The following CNTNAP4 variants were observed in gnomAD, a reference collection of about 807,000 sequenced individuals.
The protein encoded by CNTNAP4 is contactin-associated protein-like 4.
Under a neutral mutation model 148.4 loss-of-function variants are expected in CNTNAP4, and 98 were observed. The ratio of observed to expected loss-of-function variants is 0.66; its 90% confidence interval spans 0.56 to 0.78. The LOEUF is 0.78. CNTNAP4 is among the 30% of genes least tolerant of loss of function. The pLI, the probability that CNTNAP4 is intolerant of heterozygous loss-of-function variation, is 0.00. For synonymous variants in CNTNAP4, 730 were observed against 565.1 expected (o/e 1.29, Z -4.14); for missense variants, 1,935 against 1,565.6 (o/e 1.24, Z -3.98).
intron 17 of CNTNAP4, among the ~76,000 whole-genome samples, chr16:76,526,347 C>T (rs1053504410): frequency 1.3e-5 from 2 of 152,066 alleles, no homozygotes; most frequent in African/African-American, 4.8e-5. Flanking sequence ...AGGTATATAT[C>T]GGACCTTGTA....
chr16:76,404,800 T>C (rs1432891360), intron 3 of CNTNAP4, among the ~76,000 whole-genome samples: 1 of 152,168 alleles, frequency 6.6e-6, no homozygotes, highest in East Asian at 1.9e-4. Context: ...GGCTTTCTGC[T>C]AATGAATTTA....
intron 3 of CNTNAP4, among the ~76,000 whole-genome samples, chr16:76,365,691 G>A (rs950841922): frequency 2.7e-5 from 4 of 147,770 alleles, no homozygotes; most frequent in African/African-American, 7.5e-5. Context: ...GACTGAGGTT[G>A]CAGTGAGCTG....
chr16:76,425,327 C>G (rs1373058100), intron 3 of CNTNAP4, among the ~76,000 whole-genome samples: 1 of 152,102 alleles, frequency 6.6e-6, no homozygotes, highest in South Asian at 2.1e-4. Context: ...CTCTGAGAGG[C>G]CCTGTAATTG....
chr16:76,521,634 C>T (rs2083456580), intron 16 of CNTNAP4, among the ~76,000 whole-genome samples: 2 of 152,014 alleles, frequency 1.3e-5, no homozygotes, highest in South Asian at 4.2e-4. Flanking sequence ...TTCTAAGCTG[C>T]TCTTATCTTA....
intron 3 of CNTNAP4, among the ~76,000 whole-genome samples, chr16:76,415,206 C>T (rs188055007): frequency 4.0e-5 from 6 of 151,250 alleles, no homozygotes; most frequent in Admixed American, 3.3e-4. Flanking sequence ...ATACTGAATG[C>T]TATTTGATAC....
intron 1 of CNTNAP4, among the ~76,000 whole-genome samples, chr16:76,315,664 G>A (rs754481533): frequency 2.0e-5 from 3 of 151,390 alleles, no homozygotes; most frequent in Admixed American, 6.6e-5. Flanking sequence ...GTGTGATCTC[G>A]GCTCACTGCA....
intron 2 of CNTNAP4, among the ~76,000 whole-genome samples, chr16:76,339,080 T>C (rs1964254995): frequency 6.6e-6 from 1 of 152,150 alleles, no homozygotes; most frequent in South Asian, 2.1e-4. Context: ...GTGTTTGAAA[T>C]TCTGTGTGTG....
chr16:76,455,857 G>T (rs2080709352), intron 8 of CNTNAP4, among the ~76,000 whole-genome samples: 1 of 152,168 alleles, frequency 6.6e-6, no homozygotes, highest in African/African-American at 2.4e-5. Flanking sequence ...TTATGAGAGG[G>T]TGATGACAAC....
intron 10 of CNTNAP4, among the ~76,000 whole-genome samples, chr16:76,470,643 G>T (rs887977751): frequency 2.0e-5 from 3 of 150,770 alleles, no homozygotes; most frequent in Non-Finnish European, 4.4e-5. Flanking sequence ...AGAGTGAAAC[G>T]CCGTCTCGAA....
intron 21 of CNTNAP4, among the ~76,000 whole-genome samples, chr16:76,543,597 C>T (rs1235780381): frequency 1.3e-5 from 2 of 152,188 alleles, no homozygotes; most frequent in Non-Finnish European, 2.9e-5. Context: ...GAAAATTAGA[C>T]AGAAGCACAG....
At chr16:76,340,541 A>T (rs13339408) in intron 2 of CNTNAP4, among the ~76,000 whole-genome samples, 1 of 151,860 alleles carries the variant, frequency 6.6e-6, no homozygotes, top group Admixed American at 6.6e-5. Flanking sequence ...TGCGCTCCCA[A>T]TGCCTACTAT....
At chr16:76,429,238 T>C (rs1489374172) in intron 4 of CNTNAP4, among the ~76,000 whole-genome samples, 1 of 152,134 alleles carries the variant, frequency 6.6e-6, no homozygotes, top group East Asian at 1.9e-4. Flanking sequence ...AAACTAGAAG[T>C]TGGACAGTAG....
chr16:76,428,062 C>A (rs554152155), intron 4 of CNTNAP4, among the ~76,000 whole-genome samples: 2 of 152,214 alleles, frequency 1.3e-5, no homozygotes, highest in South Asian at 4.1e-4. Flanking sequence ...TTTAAATGTG[C>A]TATGCTGTCA....
intron 3 of CNTNAP4, among the ~76,000 whole-genome samples, chr16:76,421,971 A>G (rs141486672): frequency 0.014 from 2,078 of 152,310 alleles, 26 homozygotes; most frequent in Non-Finnish European, 0.021. Flanking sequence ...CCATATGGGC[A>G]TCTCCCTTTA....
intron 15 of CNTNAP4, among the ~76,000 whole-genome samples, chr16:76,504,838 A>T (rs1404501143): frequency 6.6e-5 from 10 of 152,214 alleles, no homozygotes; most frequent in Admixed American, 6.5e-4. Flanking sequence ...TATGGATTTA[A>T]ATAAACACAG....
chr16:76,336,593 G>A (rs1471121544), intron 2 of CNTNAP4, among the ~76,000 whole-genome samples: 1 of 152,278 alleles, frequency 6.6e-6, no homozygotes, highest in East Asian at 1.9e-4. Context: ...CAGGTTGCCA[G>A]GACTTCATTA....
intron 2 of CNTNAP4, among the ~76,000 whole-genome samples, chr16:76,346,576 A>G (rs1452297612): frequency 2.6e-5 from 4 of 152,170 alleles, no homozygotes; most frequent in Non-Finnish European, 5.9e-5. Context: ...CAAAACTTTC[A>G]GAAAGGTATT....
chr16:76,281,711 T>G (rs1958694327), intron 1 of CNTNAP4, among the ~76,000 whole-genome samples: 1 of 152,050 alleles, frequency 6.6e-6, no homozygotes, highest in Non-Finnish European at 1.5e-5. Context: ...TAACTCAGGT[T>G]GGTAAACTGT....
chr16:76,513,545 A>G (rs1727531358), intron 15 of CNTNAP4, among the ~76,000 whole-genome samples: 1 of 152,226 alleles, frequency 6.6e-6, no homozygotes, highest in Admixed American at 6.5e-5. Flanking sequence ...TGAATAATTT[A>G]CTAGTTTTTA....
Sources: allele counts gnomAD v4.1 joint callset (sites outside exome capture counted in the v4.1 genomes callset), GRCh38; gene constraint gnomAD v4.1.1; transcripts MANE v1.5; gene names NCBI Gene and HGNC (gene_info 2026-07-23, HGNC 2026-07-21).